Variants in RASA1 observed in about 807,000 individuals in gnomAD.
The protein encoded by RASA1 is ras GTPase-activating protein 1.
RASA1 carries 25 observed loss-of-function variants against 132.2 expected under a neutral mutation model. The ratio of observed to expected loss-of-function variants is 0.19; its 90% CI spans 0.14 to 0.26. The LOEUF (loss-of-function observed/expected upper bound fraction) is 0.26. Among genes scored for constraint, RASA1 ranks in the 10% least tolerant of loss-of-function variants. The pLI is 1.00. For synonymous variants in RASA1, 477 were observed against 449.9 expected, an observed-to-expected ratio of 1.06 and a Z score of -0.76; for missense variants, 964 against 1,299.2, an observed-to-expected ratio of 0.74 and a Z score of 3.97.
intron 8 of RASA1, among the ~76,000 whole-genome samples, chr5:87,350,618 C>T (rs1195126443): frequency 1.3e-5 from 2 of 150,982 alleles, no homozygotes; most frequent in Non-Finnish European, 3.0e-5. Context: ...TAAAGGTAGT[C>T]GCTTTTGGTT....
chr5:87,369,072 A>T (rs939736197), intron 11 of RASA1, among the ~76,000 whole-genome samples: 2 of 152,152 alleles, frequency 1.3e-5, no homozygotes, highest in African/African-American at 4.8e-5. Flanking sequence ...TATTTTTGCT[A>T]TGGCCTCCTA....
intron 1 of RASA1, among the ~76,000 whole-genome samples, chr5:87,283,674 G>C (rs190319391): frequency 6.6e-6 from 1 of 152,160 alleles, no homozygotes; most frequent in African/African-American, 2.4e-5. Flanking sequence ...TTGAGATGTG[G>C]AGGGTTTTAG....
intron 12 of RASA1, among the ~76,000 whole-genome samples, 182 bp from the exon 13 acceptor site, chr5:87,371,936 T>C (rs1479940586): frequency 1.3e-5 from 2 of 151,744 alleles, no homozygotes; most frequent in Non-Finnish European, 2.9e-5. Context: ...TTATTATTGT[T>C]ATTGTTATGT....
intron 1 of RASA1, among the ~76,000 whole-genome samples, chr5:87,303,715 A>G (rs1561267105): frequency 6.6e-6 from 1 of 151,886 alleles, no homozygotes; most frequent in Non-Finnish European, 1.5e-5. Context: ...TTCTATGTTC[A>G]CTTGAAAGGT....
chr5:87,330,955 A>G, intron 1 of RASA1: 1 of 1,436,206 alleles, frequency 7.0e-7, no homozygotes, highest in South Asian at 1.5e-5. Context: ...GTGCCTTGTG[A>G]AGTCATGGTT....
In RASA1 at chr5:87,391,224, A is replaced by G; in HGVS notation, c.*341A>G. ...TATTTTCAGTACACCCAGTTGCCAAAGTTTTGCTGTCTCTTAGAGAAAGAA... is the reference window on the plus strand; with the variant it reads ...TATTTTCAGTACACCCAGTTGCCAAGGTTTTGCTGTCTCTTAGAGAAAGAA... On this transcript the variant is annotated 3_prime_UTR_variant, in exon 25 of 25. Coordinates refer to ENST00000274376, the MANE Select transcript of RASA1 (RefSeq NM_002890.3). 1 of 435,710 alleles carries G rather than the reference A, an allele frequency of 2.3e-6. No homozygotes were observed. The allele number at this position is 435,710 out of a possible 1,614,324, so 27.0% of individuals were successfully genotyped here. A position where few individuals can be genotyped will look rare whatever the true frequency, so the allele number is the denominator to read the frequency against.
chr5:87,312,297 A>C lies in RASA1; in HGVS notation c.540-19051A>C, dbSNP rs575719570. Reference sequence around the variant, plus strand: ...TATTGAATGCAGAAACAGATAAGGAAATCTGTCTTCTGTTAAGTTAGATAG... The same window carrying C: ...TATTGAATGCAGAAACAGATAAGGACATCTGTCTTCTGTTAAGTTAGATAG... On this transcript the variant is annotated intron_variant, in intron 1 of 24. Transcript: ENST00000274376. Among the ~76,000 whole-genome samples, 16 of 152,352 alleles carry C rather than the reference A, an allele frequency of 1.1e-4. No individual in the cohort carries two copies. The East Asian group carries it at 2.7e-3, about 26-fold the overall frequency.
intron 1 of RASA1, among the ~76,000 whole-genome samples, chr5:87,271,452 CTTTTTTTTTTTTTTTTT>C (rs201918763): frequency 3.9e-4 from 15 of 38,220 alleles, no homozygotes; most frequent in East Asian, 3.6e-3. Flanking sequence ...TAGTAGACTT[CTTTTTTTTTTTTTTTTT>C]TTTTTTTTTT....
chr5:87,389,554 A>G, intron 24 of RASA1, 27 bp downstream of exon 24: 2 of 1,611,326 alleles, frequency 1.2e-6, no homozygotes, highest in Non-Finnish European at 1.7e-6. Context: ...CTTCATTAAC[A>G]ATGATGTTTC....
chr5:87,371,985 G>C (rs1211499173), intron 12 of RASA1, 133 bp from the exon 13 acceptor site: 1 of 650,968 alleles, frequency 1.5e-6, no homozygotes, highest in Non-Finnish European at 2.7e-6. Context: ...ATGAAGTACA[G>C]TATAGTCTGA....
At chr5:87,365,199 A>ATACT (rs1342609028) in intron 11 of RASA1, among the ~76,000 whole-genome samples, 1 of 152,116 alleles carries the variant, frequency 6.6e-6, no homozygotes, top group African/African-American at 2.4e-5. Flanking sequence ...GTCCCCTGAG[A>ATACT]TACTAGTGGT....
At chr5:87,357,174 T>A (rs1026918043) in intron 9 of RASA1, among the ~76,000 whole-genome samples, 1 of 152,088 alleles carries the variant, frequency 6.6e-6, no homozygotes, top group Non-Finnish European at 1.5e-5. Flanking sequence ...ATTTTTTTTT[T>A]ATTACCGCAG....
intron 22 of RASA1, among the ~76,000 whole-genome samples, chr5:87,385,660 T>C (rs1246451784): frequency 6.6e-6 from 1 of 152,090 alleles, no homozygotes; most frequent in African/African-American, 2.4e-5. Flanking sequence ...AATCAATGAG[T>C]ACATTTTAAT....
intron 1 of RASA1, chr5:87,331,115 T>C: frequency 1.2e-6 from 1 of 865,878 alleles, no homozygotes; most frequent in Non-Finnish European, 1.8e-6. Flanking sequence ...AAGAGATTTA[T>C]ATATGAGATG....
At chr5:87,283,006 A>G (rs569587086) in intron 1 of RASA1, among the ~76,000 whole-genome samples, 4 of 152,248 alleles carry the variant, frequency 2.6e-5, no homozygotes, top group Non-Finnish European at 4.4e-5. Flanking sequence ...GTAGCAATTT[A>G]AAGTATGCAG....
At chr5:87,322,082 A>C (rs963463485) in intron 1 of RASA1, among the ~76,000 whole-genome samples, 4 of 152,062 alleles carry the variant, frequency 2.6e-5, no homozygotes, top group Non-Finnish European at 2.9e-5. Context: ...GGGTGTTTGG[A>C]TCATAAAGGT....
intron 9 of RASA1, among the ~76,000 whole-genome samples, chr5:87,360,160 T>C (rs1759972759): frequency 6.6e-6 from 1 of 151,382 alleles, no homozygotes; most frequent in Admixed American, 6.6e-5. Context: ...ATTTCGCTCT[T>C]TTTTGCTCAG....
intron 19 of RASA1, 48 bp from the exon 20 acceptor site, chr5:87,380,461 G>A (rs1761631435): frequency 6.7e-7 from 1 of 1,484,536 alleles, no homozygotes; most frequent in South Asian, 1.1e-5. Flanking sequence ...TAGGAGATCA[G>A]TGTTTTCACT....
chr5:87,374,041 GA>G (rs1024684812), intron 13 of RASA1, 121 bp from the exon 14 acceptor site: 47 of 870,830 alleles, frequency 5.4e-5, no homozygotes, highest in East Asian at 1.4e-4. Context: ...CACATTTTCT[GA>G]AAAAAAAGGG....
Sources: allele counts gnomAD v4.1 joint callset (sites outside exome capture counted in the v4.1 genomes callset), GRCh38; gene constraint gnomAD v4.1.1; transcripts MANE v1.5; gene names NCBI Gene and HGNC (gene_info 2026-07-23, HGNC 2026-07-21).